FREM3: variants seen among roughly 807,000 people sequenced by gnomAD.
FREM3 encodes the protein FRAS1-related extracellular matrix protein 3.
FREM3 carries 105 observed loss-of-function variants against 129.1 expected under a neutral mutation model. That is an observed-to-expected ratio of 0.81 (90% confidence interval 0.69 to 0.96). The LOEUF (loss-of-function observed/expected upper bound fraction) is 0.96, where lower values mean the gene tolerates loss of function less well. Among genes scored for constraint, FREM3 ranks in the 40% least tolerant of loss-of-function variants. The pLI, the probability that FREM3 is intolerant of heterozygous loss-of-function variation, is 0.00. For missense variants in FREM3, 2,593 were observed against 2,666.3 expected (o/e 0.97, Z 0.61); for synonymous variants, 1,014 against 1,044.9 (o/e 0.97, Z 0.57).
chr4:143,676,739 A>T (rs1351241483), intron 2 of FREM3, among the ~76,000 whole-genome samples: 1 of 152,222 alleles, frequency 6.6e-6, no homozygotes, highest in African/African-American at 2.4e-5. Flanking sequence ...GCATTCTTAT[A>T]CACCAATAAG....
intron 5 of FREM3, among the ~76,000 whole-genome samples, chr4:143,618,280 G>A (rs973027054): frequency 1.3e-5 from 2 of 151,958 alleles, no homozygotes; most frequent in Non-Finnish European, 2.9e-5. Flanking sequence ...ATTTCCAGAT[G>A]TGAAAGCTGG....
intron 5 of FREM3, among the ~76,000 whole-genome samples, chr4:143,613,370 G>A: frequency 6.6e-6 from 1 of 152,152 alleles, no homozygotes; most frequent in South Asian, 2.1e-4. Flanking sequence ...TATCTCATGA[G>A]ATTCCTTCTC....
At chr4:143,583,010 AG>A (rs1738174406) in intron 7 of FREM3, among the ~76,000 whole-genome samples, 1 of 151,416 alleles carries the variant, frequency 6.6e-6, no homozygotes, top group Admixed American at 6.6e-5. Context: ...TCTTACAACT[AG>A]CTTGGACTAC....
intron 1 of FREM3, among the ~76,000 whole-genome samples, chr4:143,693,420 C>T (rs1465133634): frequency 6.6e-6 from 1 of 152,118 alleles, no homozygotes; most frequent in Non-Finnish European, 1.5e-5. Flanking sequence ...CCCAGTCAGA[C>T]TGGTGATTAT....
At chr4:143,639,064 A>G (rs528685917) in intron 2 of FREM3, among the ~76,000 whole-genome samples, 1 of 152,218 alleles carries the variant, frequency 6.6e-6, no homozygotes, top group East Asian at 1.9e-4. Flanking sequence ...CTGTGTTGTT[A>G]TAAGGATCAA....
intron 2 of FREM3, among the ~76,000 whole-genome samples, chr4:143,642,928 CAAAAT>C (rs1296464535): frequency 1.3e-5 from 2 of 151,960 alleles, no homozygotes; most frequent in African/African-American, 4.8e-5. Flanking sequence ...CACAAACAAA[CAAAAT>C]AATCCAGAAA....
chr4:143,652,199 A>G lies in FREM3; in HGVS notation c.5276-24439T>C, dbSNP rs372865343. ...GAGACGGAGTCTCGCTCTGTCGCCC[A>G]GGCCGGACTGCGGACTGCAGTGGCG... On this transcript the variant is annotated intron_variant, in intron 2 of 7. Transcript: ENST00000329798. 3.8e-4 allele frequency among the ~76,000 whole-genome samples: 29 copies of G among 76,584 alleles called. 10 individuals are homozygous for G. The East Asian group carries it at 0.017, about 44-fold the overall frequency. 50.2% of individuals were successfully genotyped at this position (76,584 alleles called of 152,430 possible). A position where few individuals can be genotyped will look rare whatever the true frequency, so the allele number is the denominator to read the frequency against.
intron 2 of FREM3, among the ~76,000 whole-genome samples, chr4:143,648,476 TG>T (rs1739458446): frequency 6.6e-6 from 1 of 152,168 alleles, no homozygotes; most frequent in Admixed American, 6.5e-5. Context: ...ATAATCCCCA[TG>T]TGTCAAGGGC....
intron 6 of FREM3, among the ~76,000 whole-genome samples, chr4:143,609,789 C>G (rs1267780802): frequency 6.6e-6 from 1 of 152,136 alleles, no homozygotes; most frequent in Non-Finnish European, 1.5e-5. Flanking sequence ...ATGTCTCAAC[C>G]AGACAAATTT....
chr4:143,667,730 C>CT (rs1739889626), intron 2 of FREM3, among the ~76,000 whole-genome samples: 1 of 152,178 alleles, frequency 6.6e-6, no homozygotes, highest in South Asian at 2.1e-4. Context: ...CGGAGTAGGG[C>CT]TTAGTGCCTT....
chr4:143,651,041 T>G (rs1384295104), intron 2 of FREM3, among the ~76,000 whole-genome samples: 3 of 152,224 alleles, frequency 2.0e-5, no homozygotes, highest in African/African-American at 7.2e-5. Context: ...TTTAATAATA[T>G]TCATATGTTT....
intron 2 of FREM3, among the ~76,000 whole-genome samples, chr4:143,663,334 CA>C (rs1293153854): frequency 3.9e-5 from 6 of 152,072 alleles, no homozygotes; most frequent in African/African-American, 1.4e-4. Flanking sequence ...ATTTCTCCTT[CA>C]CTTATGAAGC....
intron 6 of FREM3, among the ~76,000 whole-genome samples, chr4:143,600,681 A>C (rs1738555523): frequency 6.6e-6 from 1 of 152,216 alleles, no homozygotes; most frequent in Admixed American, 6.5e-5. Context: ...CTTCATAAAA[A>C]GATCTTATAA....
chr4:143,597,027 T>C (rs1379765393), intron 6 of FREM3, among the ~76,000 whole-genome samples: 2 of 152,150 alleles, frequency 1.3e-5, no homozygotes, highest in Non-Finnish European at 2.9e-5. Context: ...GATGGTATGA[T>C]CGTCTACTAT....
chr4:143,699,898 G>A lies in FREM3; in HGVS notation c.778C>T (p.Pro260Ser). ...VRYQHTATSS[P>S]NRDYVPMMVE... ...ATCATGGGCACGTAGTCACGGTTGGGCGAGGAGGTGGCTGTGTGCTGATAG... is the reference window on the plus strand; with the variant it reads ...ATCATGGGCACGTAGTCACGGTTGGACGAGGAGGTGGCTGTGTGCTGATAG... Residue 260 changes from proline to serine, a missense_variant, in exon 1 of 8, where the codon CCC becomes TCC. By Grantham distance (74) the Pro-to-Ser change is moderately conservative. Coordinates refer to ENST00000329798, the MANE Select transcript of FREM3 (RefSeq NM_001168235.2). The surrounding 1 kb of genome is among the most constrained non-coding windows in gnomAD (Gnocchi z 4.2). 1.3e-6 allele frequency: 2 copies of A among 1,536,600 alleles called. No homozygotes were observed. The highest frequency in any genetic ancestry group is 1.7e-6 in the Non-Finnish European group (2 of 1,146,790).
At chr4:143,640,216 T>A (rs1739300129) in intron 2 of FREM3, among the ~76,000 whole-genome samples, 1 of 152,176 alleles carries the variant, frequency 6.6e-6, no homozygotes, top group Non-Finnish European at 1.5e-5. Flanking sequence ...TTGGAGCTGA[T>A]TGCTCCAAAT....
intron 6 of FREM3, among the ~76,000 whole-genome samples, chr4:143,596,627 T>G (rs1211790462): frequency 6.6e-6 from 1 of 152,122 alleles, no homozygotes; most frequent in African/African-American, 2.4e-5. Flanking sequence ...AAAAACCCTT[T>G]CATGCATGAA....
At chr4:143,601,483 C>T (rs10213339) in intron 6 of FREM3, among the ~76,000 whole-genome samples, 113 of 152,232 alleles carry the variant, frequency 7.4e-4, no homozygotes, top group African/African-American at 2.6e-3. Flanking sequence ...TCTCAAATCA[C>T]GTACTAAAAA....
chr4:143,684,677 C>T (rs1161823709), intron 2 of FREM3, among the ~76,000 whole-genome samples: 6 of 152,122 alleles, frequency 3.9e-5, no homozygotes, highest in South Asian at 2.1e-4. Context: ...TACCTGAAAA[C>T]GAATTCAAGA....
Sources: allele counts gnomAD v4.1 joint callset (sites outside exome capture counted in the v4.1 genomes callset), GRCh38; gene constraint gnomAD v4.1.1; non-coding constraint Gnocchi (gnomAD v3.1); transcripts MANE v1.5; gene names NCBI Gene and HGNC (gene_info 2026-07-23, HGNC 2026-07-21).